COL19A1: variants seen among roughly 807,000 people sequenced by gnomAD.
COL19A1 encodes the protein collagen alpha-1(XIX) chain.
Under a neutral mutation model 190.2 loss-of-function variants are expected in COL19A1, and 159 were observed. That is an observed-to-expected ratio of 0.84 (90% CI 0.73 to 0.95). The LOEUF is 0.95. COL19A1 is among the 40% of genes least tolerant of loss of function. The pLI is 0.00. For synonymous variants in COL19A1, 509 were observed against 458.9 expected, an observed-to-expected ratio of 1.11 and a Z score of -1.39; for missense variants, 1,418 against 1,431.9, an observed-to-expected ratio of 0.99 and a Z score of 0.16.
intron 46 of COL19A1, among the ~76,000 whole-genome samples, chr6:70,185,125 C>T (rs1459154461): frequency 6.6e-6 from 1 of 152,178 alleles, no homozygotes; most frequent in Non-Finnish European, 1.5e-5. Context: ...GGCCTTTGTA[C>T]ACAGCCAAGT....
intron 11 of COL19A1, among the ~76,000 whole-genome samples, chr6:69,979,619 T>C (rs1775928364): frequency 6.6e-6 from 1 of 151,766 alleles, no homozygotes. Flanking sequence ...TAACCATTAC[T>C]TCACAAGAAA....
chr6:69,905,472 G>C (rs1318422367), intron 4 of COL19A1, among the ~76,000 whole-genome samples: 1 of 152,064 alleles, frequency 6.6e-6, no homozygotes, highest in Non-Finnish European at 1.5e-5. Context: ...CCGTGTCCTG[G>C]CTCCCCGCTG....
intron 1 of COL19A1, among the ~76,000 whole-genome samples, chr6:69,875,063 A>C (rs1768057526): frequency 6.6e-6 from 1 of 152,254 alleles, no homozygotes; most frequent in Non-Finnish European, 1.5e-5. Flanking sequence ...GTGGGGAGCA[A>C]TAAACATACG....
chr6:70,016,383 A>C (rs1400320087), intron 11 of COL19A1, among the ~76,000 whole-genome samples: 13 of 126,430 alleles, frequency 1.0e-4, no homozygotes, highest in East Asian at 7.2e-4. Context: ...AAAAAAAAAA[A>C]ACACATGAAA....
At chr6:70,047,542 C>G (rs766699804) in intron 14 of COL19A1, among the ~76,000 whole-genome samples, 2 of 152,038 alleles carry the variant, frequency 1.3e-5, no homozygotes, top group Admixed American at 6.6e-5. Flanking sequence ...AGCTTTTCCT[C>G]TCGTGTTGAA....
At chr6:69,994,280 A>T (rs1162042847) in intron 11 of COL19A1, among the ~76,000 whole-genome samples, 1 of 152,148 alleles carries the variant, frequency 6.6e-6, no homozygotes, top group Non-Finnish European at 1.5e-5. Context: ...AGCTCTTTTC[A>T]TCTTGTTCAC....
chr6:69,932,621 C>T (rs141306127), intron 6 of COL19A1, among the ~76,000 whole-genome samples, 162 bp from the exon 7 acceptor site: 3 of 152,128 alleles, frequency 2.0e-5, no homozygotes, highest in Non-Finnish European at 4.4e-5. Context: ...AAGTAGTCCA[C>T]AAAACAATGA....
At chr6:69,996,631 G>T (rs1776921087) in intron 11 of COL19A1, among the ~76,000 whole-genome samples, 1 of 151,706 alleles carries the variant, frequency 6.6e-6, no homozygotes. Flanking sequence ...AAACATTTAG[G>T]CAAAGGAGTT....
At chr6:69,921,142 T>C (rs1169524671) in intron 4 of COL19A1, among the ~76,000 whole-genome samples, 1 of 124,240 alleles carries the variant, frequency 8.0e-6, no homozygotes, top group Non-Finnish European at 1.6e-5. Flanking sequence ...CACATATATA[T>C]CACATATGTA....
At chr6:70,184,359 G>A (rs528458394) in intron 44 of COL19A1, among the ~76,000 whole-genome samples, 13 of 152,278 alleles carry the variant, frequency 8.5e-5, no homozygotes, top group African/African-American at 3.1e-4. Context: ...AATAAGAAAG[G>A]AAAATAATCT....
At chr6:70,167,666 G>A (rs1380412469) in intron 37 of COL19A1, among the ~76,000 whole-genome samples, 1 of 152,102 alleles carries the variant, frequency 6.6e-6, no homozygotes, top group African/African-American at 2.4e-5. Context: ...CAGGTTAGCA[G>A]GCTGTAAACA....
At chr6:69,901,069 T>C (rs1770159163) in intron 4 of COL19A1, among the ~76,000 whole-genome samples, 1 of 152,200 alleles carries the variant, frequency 6.6e-6, no homozygotes, top group African/African-American at 2.4e-5. Context: ...GTAGCACATA[T>C]GGTCAGGATA....
Position 70,142,091 on chromosome 6 carries a change from A to C in COL19A1, c.1572+15A>C. 2 of 1,605,418 alleles carry C rather than the reference A, an allele frequency of 1.2e-6. No individual in the cohort carries two copies. Among genetic ancestry groups the C allele is most frequent in the Admixed American group, 3.4e-5 (2 of 59,480 alleles). On this transcript the variant is annotated intron_variant, in intron 22 of 50. Transcript: ENST00000620364. ...CAGGACTAAAGGTATATAAGAAATA[A>C]CTAAGATTTCTTGGGAAATAATTTG...
At chr6:69,900,109 T>G (rs1770072407) in intron 3 of COL19A1, 130 bp from the exon 4 acceptor site, 1 of 458,454 alleles carries the variant, frequency 2.2e-6, no homozygotes, top group Admixed American at 4.3e-5. Context: ...ATCAAGAAAT[T>G]TTGCTGATCC....
intron 14 of COL19A1, among the ~76,000 whole-genome samples, chr6:70,065,133 A>T (rs923027104): frequency 6.6e-6 from 1 of 152,236 alleles, no homozygotes; most frequent in African/African-American, 2.4e-5. Flanking sequence ...GAACCAAAAA[A>T]GAGCCAGCAT....
intron 31 of COL19A1, among the ~76,000 whole-genome samples, chr6:70,154,564 T>C (rs1183826755): frequency 6.6e-6 from 1 of 152,122 alleles, no homozygotes; most frequent in Non-Finnish European, 1.5e-5. Context: ...TAATAGTATA[T>C]ATGTATATAT....
At chr6:70,158,520 T>C (rs185545731) in intron 34 of COL19A1, among the ~76,000 whole-genome samples, 16 of 152,202 alleles carry the variant, frequency 1.1e-4, no homozygotes, top group Non-Finnish European at 1.3e-4. Flanking sequence ...TTGTTACTCT[T>C]AGAAAAGCAA....
In COL19A1 at chr6:70,002,911, T is replaced by C. The variant is rs570939157; in HGVS notation, c.1027-20716T>C. Among the ~76,000 whole-genome samples, 8 of 152,132 alleles carry C rather than the reference T, an allele frequency of 5.3e-5. No homozygotes were observed. The East Asian group carries it at 1.5e-3, about 29-fold the overall frequency. On this transcript the variant is annotated intron_variant, in intron 11 of 50. Transcript: ENST00000620364. ...ATTCTGCTCTGATTTTAGTTATTTC[T>C]TGTCTTCTACTAGCTTTTGGATTAG... is the stretch of plus-strand genomic sequence containing the variant.
chr6:70,106,535 T>C (rs1280478070), intron 16 of COL19A1, among the ~76,000 whole-genome samples: 1 of 152,220 alleles, frequency 6.6e-6, no homozygotes, highest in East Asian at 1.9e-4. Flanking sequence ...TAACTATTAT[T>C]CAATAGCAAC....
Sources: gnomAD v4.1 joint callset for allele counts (sites outside exome capture counted in the v4.1 genomes callset) on GRCh38, gnomAD v4.1.1 for gene constraint, MANE v1.5 for transcripts, NCBI Gene and HGNC (gene_info 2026-07-23, HGNC 2026-07-21) for gene names.